ACSM5: variants seen among roughly 807,000 people sequenced by gnomAD.
ACSM5 encodes acyl-CoA synthetase medium chain family member 5.
Under a neutral mutation model 71.6 loss-of-function variants are expected in ACSM5, and 56 were observed. The ratio of observed to expected loss-of-function variants is 0.78; its 90% CI spans 0.63 to 0.98. The LOEUF is 0.98. ACSM5 is among the 50% of genes least tolerant of loss of function. ACSM5 has a pLI of 0.00. For synonymous variants in ACSM5, 285 were observed against 281.5 expected, an observed-to-expected ratio of 1.01 and a Z score of -0.12; for missense variants, 723 against 726.0, an observed-to-expected ratio of 1.00 and a Z score of 0.05.
Position 20,418,074 on chromosome 16 carries a change from C to A in ACSM5, c.220C>A (p.Pro74Thr), listed in dbSNP as rs367648720. 3.7e-6 allele frequency: 6 copies of A among 1,613,634 alleles called. No homozygotes were observed. Among genetic ancestry groups the A allele is most frequent in the Non-Finnish European group, 5.1e-6 (6 of 1,179,948 alleles). ...CACCATCTAGGCTGGACACCGCCCC[C>A]CAAATCCTGCCTTCTGGTGGGTCAA... is the stretch of plus-strand genomic sequence containing the variant. ...SRLEEAGHRPPNPAFWWVNGT... is the reference protein window; with the variant it reads ...SRLEEAGHRPTNPAFWWVNGT... The change falls in exon 3 of 14, where the codon CCA (proline) becomes ACA (threonine). Residue 74 changes from proline to threonine, a missense_variant. Coordinates refer to ENST00000331849, the MANE Select transcript of ACSM5 (RefSeq NM_017888.3).
intron 4 of ACSM5, chr16:20,419,722 G>A (rs1302401614): frequency 3.5e-5 from 16 of 458,586 alleles, no homozygotes; most frequent in African/African-American, 5.9e-5. Context: ...TAACCAATAT[G>A]GTGCATTTAG....
rs762987573 is a variant in ACSM5 at position 20,437,331 on chromosome 16, G to A, written c.1500G>A (p.Ser500=). The change falls in exon 12 of 14, where the codon TCG becomes TCA. Residue 500 remains serine, a synonymous_variant. Transcript: ENST00000331849. ...CAGAGCATCCTGCTGTCCTGGAGTC[G>A]GCTGTGGTCAGCAGCCCAGACCCCA... ...ALAEHPAVLE[S]AVVSSPDPIR... is the part of the protein sequence containing the mutation. The A allele has an allele frequency of 2.8e-5, 45 of 1,613,794 alleles. No homozygotes were observed. Among genetic ancestry groups the A allele is most frequent in the Middle Eastern group, 1.6e-4 (1 of 6,074 alleles).
At chr16:20,431,988 A>G (rs1285313326) in intron 10 of ACSM5, among the ~76,000 whole-genome samples, 3 of 151,474 alleles carry the variant, frequency 2.0e-5, no homozygotes, top group African/African-American at 7.3e-5. Flanking sequence ...TAAATACATA[A>G]AGGTCAAACT....
At chr16:20,425,622 T>C (rs112603506) in intron 6 of ACSM5, among the ~76,000 whole-genome samples, 6,735 of 152,168 alleles carry the variant, frequency 0.044, 159 homozygotes, top group South Asian at 0.06. Flanking sequence ...ATTGTGCCAT[T>C]CTTACACCTT....
At chr16:20,430,200 T>TAC (rs199835504) in intron 8 of ACSM5, among the ~76,000 whole-genome samples, 2,920 of 144,814 alleles carry the variant, frequency 0.02, 46 homozygotes, top group South Asian at 0.038. Context: ...GCTATTGAAA[T>TAC]ACACACACAC....
intron 4 of ACSM5, among the ~76,000 whole-genome samples, chr16:20,420,417 A>G (rs1759770278): frequency 6.6e-6 from 1 of 152,234 alleles, no homozygotes. Flanking sequence ...CCTGACCAGC[A>G]TGGAGAAACC....
intron 10 of ACSM5, among the ~76,000 whole-genome samples, chr16:20,432,803 T>C (rs1194793811): frequency 2.0e-5 from 3 of 150,182 alleles, no homozygotes; most frequent in Non-Finnish European, 4.4e-5. Context: ...TGACTGTTTC[T>C]TTCCGTCACC....
chr16:20,426,505 A>G (rs1460058166), intron 6 of ACSM5, among the ~76,000 whole-genome samples: 1 of 152,218 alleles, frequency 6.6e-6, no homozygotes, highest in Non-Finnish European at 1.5e-5. Context: ...AAAGCAACAC[A>G]AGTGTCCATC....
intron 6 of ACSM5, among the ~76,000 whole-genome samples, chr16:20,426,611 G>A (rs1204046168): frequency 1.3e-5 from 2 of 152,160 alleles, no homozygotes; most frequent in Non-Finnish European, 2.9e-5. Flanking sequence ...GATATAACGT[G>A]GATAACCCTT....
intron 5 of ACSM5, among the ~76,000 whole-genome samples, chr16:20,422,855 A>G (rs1055303063): frequency 1.3e-5 from 2 of 152,160 alleles, no homozygotes; most frequent in African/African-American, 4.8e-5. Context: ...GAGAAGGAGG[A>G]GTCAAGGAGA....
chr16:20,416,710 G>A (rs1202469827), intron 2 of ACSM5, among the ~76,000 whole-genome samples: 4 of 152,102 alleles, frequency 2.6e-5, no homozygotes, highest in African/African-American at 9.7e-5. Context: ...ATAAAAAATA[G>A]ATTAATTGGA....
At chr16:20,429,890 G>T (rs1392080254) in intron 8 of ACSM5, 89 bp downstream of exon 8, 1 of 1,515,872 alleles carries the variant, frequency 6.6e-7, no homozygotes, top group Non-Finnish European at 8.9e-7. Context: ...AAGCTTCTCA[G>T]GGACCACCCT....
intron 10 of ACSM5, among the ~76,000 whole-genome samples, chr16:20,435,784 C>A (rs1467017850): frequency 6.6e-6 from 1 of 152,158 alleles, no homozygotes; most frequent in Non-Finnish European, 1.5e-5. Context: ...TGTGTGGTTT[C>A]ATGTATTTTT....
chr16:20,430,977 A>G lies in ACSM5; in HGVS notation c.1126-16A>G, dbSNP rs370685458. Reference sequence around the variant, plus strand: ...AGTGGAAAGGCTCTTCTTTATCTGTACTGCGTTCTCCCCAGGTTGTCATCT... The same window carrying G: ...AGTGGAAAGGCTCTTCTTTATCTGTGCTGCGTTCTCCCCAGGTTGTCATCT... On this transcript the variant is annotated splice_polypyrimidine_tract_variant and intron_variant, in intron 8 of 13. Coordinates refer to ENST00000331849, the MANE Select transcript of ACSM5 (RefSeq NM_017888.3). 15 of 1,603,234 alleles carry G rather than the reference A, an allele frequency of 9.4e-6. No homozygotes were observed. The highest frequency in any genetic ancestry group is 4.0e-5 in the African/African-American group (3 of 74,702).
At chr16:20,422,451 C>T (rs924431580) in intron 5 of ACSM5, among the ~76,000 whole-genome samples, 1 of 152,188 alleles carries the variant, frequency 6.6e-6, no homozygotes, top group African/African-American at 2.4e-5. Flanking sequence ...TTGATAGACA[C>T]TTGGGTAGCT....
intron 5 of ACSM5, among the ~76,000 whole-genome samples, chr16:20,421,615 C>CTATATATATATATATA (rs59443556): frequency 1.9e-5 from 2 of 105,830 alleles, no homozygotes; most frequent in Non-Finnish European, 3.8e-5. Flanking sequence ...TAAATCGTGG[C>CTATATATATATATATA]TATATATATA....
In ACSM5 at chr16:20,418,075, C is replaced by T. The variant is rs141921213; in HGVS notation, c.221C>T (p.Pro74Leu). 6 of 1,613,740 alleles carry T rather than the reference C, an allele frequency of 3.7e-6. No individual in the cohort carries two copies. The highest frequency in any genetic ancestry group is 1.1e-5 in the South Asian group (1 of 91,040). ...SRLEEAGHRP[P>L]NPAFWWVNGT... ...ACCATCTAGGCTGGACACCGCCCCC[C>T]AAATCCTGCCTTCTGGTGGGTCAAT... Residue 74 changes from proline to leucine, a missense_variant, in exon 3 of 14, where the codon CCA becomes CTA. Coordinates refer to ENST00000331849, the MANE Select transcript of ACSM5 (RefSeq NM_017888.3).
Position 20,410,430 on chromosome 16 carries a change from T to G in ACSM5, c.-16+765T>G, listed in dbSNP as rs370918208. On this transcript the variant is annotated intron_variant, in intron 1 of 13. Coordinates refer to ENST00000331849, the MANE Select transcript of ACSM5 (RefSeq NM_017888.3). ...GCTGGTCCCAAGATCACACTTTGAG[T>G]AGCAAGACACTAAAACTGGGCTGGG... Among the ~76,000 whole-genome samples the G allele has an allele frequency of 4.6e-5, 7 of 152,188 alleles. No homozygotes were observed. In the East Asian group the frequency reaches 1.2e-3, roughly 25 times the overall value.
At position 20,427,804 on chromosome 16, in the gene ACSM5, C is replaced by T. The variant is rs757062050; in HGVS notation, c.938C>T (p.Pro313Leu). 52 of 1,613,736 alleles carry T rather than the reference C, an allele frequency of 3.2e-5. No individual in the cohort carries two copies. The Middle Eastern group carries it at 4.9e-4, about 15-fold the overall frequency. ...KVILNTLSKFPITTLCCVPTI... is the reference protein window; with the variant it reads ...KVILNTLSKFLITTLCCVPTI... ...TTTGTTTAGACTCTCTCCAAATTCC[C>T]GATAACCACCCTCTGCTGTGTCCCA... The change falls in exon 7 of 14, where the codon CCG becomes CTG. Residue 313 changes from proline (P) to leucine (L), a missense_variant. Physicochemically the swap from Pro to Leu is moderately conservative, Grantham distance 98. Coordinates refer to ENST00000331849, the MANE Select transcript of ACSM5 (RefSeq NM_017888.3).
Sources: allele counts gnomAD v4.1 joint callset (sites outside exome capture counted in the v4.1 genomes callset), GRCh38; gene constraint gnomAD v4.1.1; transcripts MANE v1.5; gene names NCBI Gene and HGNC (gene_info 2026-07-23, HGNC 2026-07-21).